The following URGCP variants were observed in gnomAD, a reference collection of about 807,000 sequenced individuals.
The protein encoded by URGCP is upregulator of cell proliferation.
Under a neutral mutation model 24.6 loss-of-function variants are expected in URGCP, and 13 were observed. That is an observed-to-expected ratio of 0.53 (90% confidence interval 0.34 to 0.84). The LOEUF (loss-of-function observed/expected upper bound fraction) is 0.84. Among genes scored for constraint, URGCP ranks in the 40% least tolerant of loss-of-function variants. The pLI is 0.01. For missense variants in URGCP, 899 were observed against 1,194.3 expected, an observed-to-expected ratio of 0.75 and a Z score of 3.64; for synonymous variants, 444 against 487.2, an observed-to-expected ratio of 0.91 and a Z score of 1.17.
upstream of URGCP, chr7:43,926,540 T>A: frequency 6.4e-7 from 1 of 1,566,754 alleles, no homozygotes; most frequent in Non-Finnish European, 8.6e-7. Context: ...AGGATGGCGC[T>A]AAAGCGGATC....
At chr7:43,912,063 A>C (rs944595994) in intron 1 of URGCP, among the ~76,000 whole-genome samples, 1 of 152,208 alleles carries the variant, frequency 6.6e-6, no homozygotes, top group Non-Finnish European at 1.5e-5. Flanking sequence ...GTCAGTTCTA[A>C]GAGGGCAATT....
At chr7:43,884,601 G>A (rs2095859350) in intron 3 of URGCP, among the ~76,000 whole-genome samples, 1 of 152,170 alleles carries the variant, frequency 6.6e-6, no homozygotes, top group African/African-American at 2.4e-5. Flanking sequence ...GGAAAACGCA[G>A]GAGGATCACT....
At position 43,893,079 on chromosome 7, in the gene URGCP, G is replaced by A. The variant is rs1012745746; in HGVS notation, c.15-5263C>T. 7.2e-5 allele frequency among the ~76,000 whole-genome samples: 11 copies of A among 152,240 alleles called. No individual in the cohort carries two copies. The South Asian group carries it at 2.1e-3, about 29-fold the overall frequency. ...TGGTTCACACCTATCTATAATCCCA[G>A]CACTTTGGGAGGCCAATGTGGGAGG... On this transcript the variant is annotated intron_variant, in intron 1 of 5. Transcript: ENST00000453200.
chr7:43,923,972 C>A (rs2095925696), intron 1 of URGCP, among the ~76,000 whole-genome samples: 2 of 152,118 alleles, frequency 1.3e-5, no homozygotes, highest in Non-Finnish European at 1.5e-5. Context: ...TGGGTTCAAA[C>A]AATTATTGAG....
chr7:43,903,644 T>A (rs143642084), intron 1 of URGCP, among the ~76,000 whole-genome samples: 1 of 152,144 alleles, frequency 6.6e-6, no homozygotes, highest in African/African-American at 2.4e-5. Context: ...AGTTGTAACA[T>A]TGTTAAGGAT....
chr7:43,903,272 A>G (rs1167289365), intron 1 of URGCP, among the ~76,000 whole-genome samples: 2 of 152,260 alleles, frequency 1.3e-5, no homozygotes, highest in African/African-American at 4.8e-5. Flanking sequence ...AGCAAGCTGC[A>G]GAACAGTATG....
At chr7:43,884,237 T>C (rs927667236) in intron 3 of URGCP, among the ~76,000 whole-genome samples, 3 of 152,140 alleles carry the variant, frequency 2.0e-5, no homozygotes, top group African/African-American at 4.8e-5. Flanking sequence ...GAGAGCCTGA[T>C]GTTCTGCAGC....
At chr7:43,883,333 TATACATATATATATATATATATATATA>T (rs2095856841) in intron 3 of URGCP, among the ~76,000 whole-genome samples, 1 of 129,452 alleles carries the variant, frequency 7.7e-6, no homozygotes, top group Non-Finnish European at 1.6e-5. Context: ...TATATATATA[TATACATATATATATATATATATATATA>T]TATTTTTTTT....
upstream of URGCP, chr7:43,907,096 T>G (rs1327648472): frequency 6.6e-6 from 1 of 152,072 alleles, no homozygotes; most frequent in Non-Finnish European, 1.5e-5. Flanking sequence ...TGTGAAGCTC[T>G]AGGCAATGCG....
intron 1 of URGCP, among the ~76,000 whole-genome samples, chr7:43,898,787 A>AAATT (rs2095883800): frequency 1.3e-5 from 1 of 76,436 alleles, no homozygotes; most frequent in Non-Finnish European, 3.4e-5. Flanking sequence ...ATAAATAAAT[A>AAATT]AATTTATTTT....
chr7:43,926,125 T>A (rs2095929908), intron 1 of URGCP: 1 of 154,076 alleles, frequency 6.5e-6, no homozygotes, highest in Non-Finnish European at 1.4e-5. Context: ...AGGGTATATA[T>A]ACTTACAGAG....
intron 1 of URGCP, among the ~76,000 whole-genome samples, chr7:43,921,675 T>G (rs965091394): frequency 3.9e-5 from 6 of 152,224 alleles, no homozygotes; most frequent in African/African-American, 7.2e-5. Flanking sequence ...TAATCATTAA[T>G]CATATAATCT....
intron 3 of URGCP, among the ~76,000 whole-genome samples, chr7:43,883,843 A>G (rs1013231890): frequency 4.6e-5 from 7 of 152,180 alleles, no homozygotes; most frequent in Non-Finnish European, 1.0e-4. Flanking sequence ...GGGGTCCAGG[A>G]AGCATGAGAA....
rs143642084 is a variant in URGCP at position 43,903,644 on chromosome 7, T to C, written c.14+2918A>G. ...AAATTTAGGATGAATAGTTGTAACA[T>C]TGTTAAGGATAAGAGCCCCTTTGAA... On this transcript the variant is annotated intron_variant, in intron 1 of 5. Coordinates refer to ENST00000453200, the MANE Select transcript of URGCP (RefSeq NM_001077663.3). Among the ~76,000 whole-genome samples the C allele has an allele frequency of 1.5e-4, 23 of 152,262 alleles. 1 individual carries two copies. Among genetic ancestry groups the C allele is most frequent in the South Asian group, 4.1e-4 (2 of 4,826 alleles).
rs2095919869 is a variant in URGCP, at chr7:43,919,656, A to G, written c.-116+6476T>C. On this transcript the variant is annotated intron_variant, in intron 1 of 5. Transcript: ENST00000426198. ...CCAGACCAACCACTCCTACATCACC[A>G]TCCTCAACACCATCCAGGGAGAGGT... 1.0e-5 allele frequency: 14 copies of G among 1,371,030 alleles called. No homozygotes were observed. In the Admixed American group the frequency reaches 2.4e-4, roughly 23 times the overall value. The allele number at this position is 1,371,030 out of a possible 1,614,324, so 84.9% of individuals were successfully genotyped here.
At chr7:43,882,042 T>C (rs1218710202) in intron 3 of URGCP, 85 bp from the exon 4 acceptor site, 3 of 1,596,836 alleles carry the variant, frequency 1.9e-6, no homozygotes, top group South Asian at 1.1e-5. Context: ...CTCATGCCTG[T>C]AACCCCAGCA....
intron 1 of URGCP, among the ~76,000 whole-genome samples, chr7:43,892,589 T>C (rs1332790626): frequency 1.3e-5 from 2 of 152,156 alleles, no homozygotes; most frequent in South Asian, 2.1e-4. Flanking sequence ...ATCAGTCTTA[T>C]TATATGTGAA....
At chr7:43,883,333 T>C (rs1158049617) in intron 3 of URGCP, among the ~76,000 whole-genome samples, 1 of 129,452 alleles carries the variant, frequency 7.7e-6, no homozygotes, top group African/African-American at 3.3e-5. Context: ...TATATATATA[T>C]ATACATATAT....
chr7:43,887,356 G>A, intron 3 of URGCP, 59 bp downstream of exon 3: 1 of 1,589,232 alleles, frequency 6.3e-7, no homozygotes, highest in Non-Finnish European at 8.6e-7. Flanking sequence ...GAATCCCAAG[G>A]GGACAGGAGA....
Sources: allele counts gnomAD v4.1 joint callset (sites outside exome capture counted in the v4.1 genomes callset), GRCh38; gene constraint gnomAD v4.1.1; transcripts MANE v1.5; gene names NCBI Gene and HGNC (gene_info 2026-07-23, HGNC 2026-07-21).